DISC1: variants seen among roughly 807,000 people sequenced by gnomAD.
DISC1 encodes DISC1 scaffold protein, also known as disrupted in schizophrenia 1 protein.
Under a neutral mutation model 84.5 loss-of-function variants are expected in DISC1, and 57 were observed. The observed-to-expected ratio is 0.67, with a 90% confidence interval of 0.55 to 0.84. The LOEUF (loss-of-function observed/expected upper bound fraction) is 0.84. Ranked by LOEUF, DISC1 falls within the 40% of genes least tolerant of loss-of-function variation. The probability of loss-of-function intolerance (pLI) is 0.00; values close to 1 mark genes in which losing one functional copy is unlikely to be tolerated. For missense variants in DISC1, 1,000 were observed against 1,057.8 expected (o/e 0.95, Z 0.76); for synonymous variants, 411 against 415.2 (o/e 0.99, Z 0.12).
chr1:231,904,098 A>G (rs902203905), intron 9 of DISC1, among the ~76,000 whole-genome samples: 2 of 152,212 alleles, frequency 1.3e-5, no homozygotes, highest in Admixed American at 1.3e-4. Flanking sequence ...TCAATGATCC[A>G]TGCTTCTGTC....
At chr1:231,946,059 T>C (rs1553404022) in intron 9 of DISC1, among the ~76,000 whole-genome samples, 1 of 152,234 alleles carries the variant, frequency 6.6e-6, no homozygotes, top group African/African-American at 2.4e-5. Context: ...CCATTCCTTC[T>C]GAAATGATTC....
intron 9 of DISC1, among the ~76,000 whole-genome samples, chr1:231,875,859 C>T (rs1240678606): frequency 6.6e-6 from 1 of 151,940 alleles, no homozygotes; most frequent in African/African-American, 2.4e-5. Context: ...ATAAAGAGGA[C>T]AAAAGAGGGA....
intron 1 of DISC1, among the ~76,000 whole-genome samples, chr1:231,641,796 C>A (rs2059713673): frequency 6.6e-6 from 1 of 152,212 alleles, no homozygotes; most frequent in African/African-American, 2.4e-5. Flanking sequence ...CTGAGTTAGA[C>A]ACAGGGTGCT....
chr1:231,859,410 G>T (rs931495009), intron 9 of DISC1, among the ~76,000 whole-genome samples: 2 of 152,180 alleles, frequency 1.3e-5, no homozygotes, highest in African/African-American at 4.8e-5. Flanking sequence ...CCTGTTTCCA[G>T]GTTCATAGAT....
chr1:232,022,708 C>T (rs1669080246), intron 11 of DISC1, among the ~76,000 whole-genome samples: 1 of 152,160 alleles, frequency 6.6e-6, no homozygotes, highest in Admixed American at 6.5e-5. Context: ...TTAATCTACC[C>T]TCTCATCAGC....
rs560157503 is a variant in DISC1 at position 231,858,475 on chromosome 1, C to T, written c.1981+39958C>T. Among the ~76,000 whole-genome samples, 19 of 152,318 alleles carry T rather than the reference C, an allele frequency of 1.2e-4. No homozygotes were observed. In the East Asian group the frequency reaches 2.5e-3, roughly 20 times the overall value. Reference sequence around the variant, plus strand: ...AGGGAGCCCTGTTTTGAACTTGTGTCATGAGCTCTGCCTGTCTCTGGAGGT... The same window carrying T: ...AGGGAGCCCTGTTTTGAACTTGTGTTATGAGCTCTGCCTGTCTCTGGAGGT... On this transcript the variant is annotated intron_variant, in intron 9 of 12. Coordinates refer to ENST00000439617, the MANE Select transcript of DISC1 (RefSeq NM_018662.3).
intron 11 of DISC1, among the ~76,000 whole-genome samples, chr1:232,015,080 G>T (rs917218300): frequency 6.6e-6 from 1 of 152,176 alleles, no homozygotes; most frequent in African/African-American, 2.4e-5. Context: ...GCAGAGTCCA[G>T]GGACAAGCTG....
At chr1:231,790,312 C>T (rs558651465) in intron 6 of DISC1, among the ~76,000 whole-genome samples, 49 of 152,174 alleles carry the variant, frequency 3.2e-4, no homozygotes, top group South Asian at 8.3e-4. Context: ...CTAGGGCTGT[C>T]GTAATAAAGT....
Position 231,800,204 on chromosome 1 carries a change from A to C in DISC1, c.1786A>C (p.Ile596Leu). 6.2e-7 allele frequency: 1 copy of C among 1,611,432 alleles called. No homozygotes were observed. Residue 596 changes from isoleucine to leucine, a missense_variant, in exon 8 of 13, where the codon ATA (isoleucine) becomes CTA (leucine). Around this residue, in one of 3 missense-constraint regions of DISC1, gnomAD observed 397 missense variants for 377.5 expected, o/e 1.05. Transcript: ENST00000439617. Reference sequence around the variant, plus strand: ...CTTGCTTGAAGCCAAAATGCATGCCATATCAGGTAACTGGCAGTGTAGGAG... The same window carrying C: ...CTTGCTTGAAGCCAAAATGCATGCCCTATCAGGTAACTGGCAGTGTAGGAG... ...PALLEAKMHAISGNHFWTAKD... is the reference protein window; with the variant it reads ...PALLEAKMHALSGNHFWTAKD...
At chr1:231,796,878 C>T (rs1282357724) in intron 7 of DISC1, among the ~76,000 whole-genome samples, 3 of 152,100 alleles carry the variant, frequency 2.0e-5, no homozygotes, top group Non-Finnish European at 4.4e-5. Context: ...CCTTGCCCAG[C>T]TAAATTTGTT....
At chr1:231,940,707 T>C (rs954721278) in intron 9 of DISC1, among the ~76,000 whole-genome samples, 11 of 152,210 alleles carry the variant, frequency 7.2e-5, no homozygotes, top group Admixed American at 7.2e-4. Context: ...CATTGTAAGC[T>C]GTTAGAGATG....
intron 11 of DISC1, among the ~76,000 whole-genome samples, chr1:232,018,762 T>C (rs1668698723): frequency 6.6e-6 from 1 of 152,186 alleles, no homozygotes; most frequent in South Asian, 2.1e-4. Flanking sequence ...GGGAAGATGG[T>C]AGGGCTTTAT....
intron 8 of DISC1, among the ~76,000 whole-genome samples, chr1:231,804,424 G>A (rs2079544729): frequency 6.6e-6 from 1 of 151,752 alleles, no homozygotes; most frequent in African/African-American, 2.4e-5. Context: ...TCTAGGTACT[G>A]AGGATGCAGT....
chr1:231,650,482 G>A (rs2060519549), intron 1 of DISC1, among the ~76,000 whole-genome samples: 1 of 152,140 alleles, frequency 6.6e-6, no homozygotes, highest in African/African-American at 2.4e-5. Flanking sequence ...TTTCTCTCTG[G>A]CTGCACTTAA....
In DISC1 at chr1:231,855,663, T is replaced by C. The variant is rs1052975923; in HGVS notation, c.1981+37146T>C. Among the ~76,000 whole-genome samples the C allele has an allele frequency of 5.3e-5, 8 of 152,202 alleles. No homozygotes were observed. In the South Asian group the frequency reaches 8.3e-4, roughly 16 times the overall value. On this transcript the variant is annotated intron_variant, in intron 9 of 12. Transcript: ENST00000439617. Reference sequence around the variant, plus strand: ...CCTTATGTTCTCTCCTTCCTAAGGATGGCTTATTTTCCTTTCCATGAAATG... The same window carrying C: ...CCTTATGTTCTCTCCTTCCTAAGGACGGCTTATTTTCCTTTCCATGAAATG...
intron 9 of DISC1, among the ~76,000 whole-genome samples, chr1:231,930,918 A>G (rs200751551): frequency 4.6e-5 from 7 of 152,306 alleles, no homozygotes; most frequent in Non-Finnish European, 8.8e-5. Context: ...AAGCCAGGCT[A>G]CCATTTGGGA....
At chr1:231,748,756 A>G (rs2074284609) in intron 3 of DISC1, among the ~76,000 whole-genome samples, 1 of 152,208 alleles carries the variant, frequency 6.6e-6, no homozygotes, top group Non-Finnish European at 1.5e-5. Context: ...AGAATGAGTT[A>G]GGAGGAATTC....
rs548220215 is a variant in DISC1 at position 231,699,757 on chromosome 1, C to T, written c.1048-2198C>T. ...TCCTCTGCCCCAAACTCTCCAGTGG[C>T]GCCCCATGAACTTCAGAGTAAAATC... On this transcript the variant is annotated intron_variant, in intron 2 of 12. Coordinates refer to ENST00000439617, the MANE Select transcript of DISC1 (RefSeq NM_018662.3). Among the ~76,000 whole-genome samples, 7 of 152,310 alleles carry T rather than the reference C, an allele frequency of 4.6e-5. No individual in the cohort carries two copies. The South Asian group carries it at 1.2e-3, about 27-fold the overall frequency.
chr1:231,847,585 T>A (rs184305241), intron 9 of DISC1, among the ~76,000 whole-genome samples: 20 of 152,326 alleles, frequency 1.3e-4, no homozygotes, highest in Admixed American at 5.9e-4. Context: ...CCCTTCTCCG[T>A]CCTCGCTCCT....
Sources: allele counts gnomAD v4.1 joint callset (sites outside exome capture counted in the v4.1 genomes callset), GRCh38; gene constraint gnomAD v4.1.1; regional missense constraint gnomAD v4.1.1; transcripts MANE v1.5; gene names NCBI Gene and HGNC (gene_info 2026-07-23, HGNC 2026-07-21).